SH3RF3: variants seen among roughly 807,000 people sequenced by gnomAD.
The protein encoded by SH3RF3 is E3 ubiquitin-protein ligase SH3RF3.
SH3RF3 carries 29 observed loss-of-function variants against 66.3 expected under a neutral mutation model. That is an observed-to-expected ratio of 0.44 (90% CI 0.33 to 0.60). The LOEUF is 0.60. SH3RF3 is among the 20% of genes least tolerant of loss of function. The pLI is 0.04. For missense variants in SH3RF3, 1,194 were observed against 1,190.9 expected (o/e 1.00, Z -0.04); for synonymous variants, 583 against 532.0 (o/e 1.10, Z -1.32).
At chr2:109,145,204 C>T (rs1010086214) in intron 1 of SH3RF3, among the ~76,000 whole-genome samples, 4 of 152,182 alleles carry the variant, frequency 2.6e-5, no homozygotes, top group Non-Finnish European at 5.9e-5. Flanking sequence ...GAGACAGAGC[C>T]GTGTCCTGGC....
intron 3 of SH3RF3, among the ~76,000 whole-genome samples, chr2:109,393,183 G>A (rs1676048487): frequency 6.6e-6 from 1 of 152,206 alleles, no homozygotes; most frequent in African/African-American, 2.4e-5. Context: ...CAGCCTTGGT[G>A]GCCTCTGCCG....
In SH3RF3 at chr2:109,345,315, C is replaced by T. The variant is rs527376609; in HGVS notation, c.574-2359C>T. On this transcript the variant is annotated intron_variant, in intron 1 of 9. Transcript: ENST00000309415. ...GAGGCCAGAAAGGAAACACAGTGTC[C>T]CCTTCTCGGGGGCATTGCAGGGAGA... Among the ~76,000 whole-genome samples, 9 of 152,038 alleles carry T rather than the reference C, an allele frequency of 5.9e-5. No homozygotes were observed. The South Asian group carries it at 1.9e-3, about 32-fold the overall frequency.
chr2:109,438,284 C>T (rs969819725), intron 7 of SH3RF3, among the ~76,000 whole-genome samples: 18 of 152,112 alleles, frequency 1.2e-4, no homozygotes, highest in African/African-American at 4.1e-4. Context: ...TGCCCAGCAT[C>T]GTCACTGGGT....
At chr2:109,208,093 C>T (rs1678883242) in intron 1 of SH3RF3, among the ~76,000 whole-genome samples, 1 of 150,032 alleles carries the variant, frequency 6.7e-6, no homozygotes, top group Admixed American at 6.7e-5. Context: ...GGGCACAGTG[C>T]TGGGCCCTCA....
At position 109,423,344 on chromosome 2, in the gene SH3RF3, AC is replaced by A. The variant is rs546732787; in HGVS notation, c.1403+3704del. Among the ~76,000 whole-genome samples, 560 of 152,204 alleles carry A rather than the reference AC, an allele frequency of 3.7e-3. 5 individuals carry two copies. The highest frequency in any genetic ancestry group is 6.1e-3 in the Admixed American group (93 of 15,286). Reference sequence around the variant, plus strand: ...CGTGCTCTCTGTCATGGCAGGGATGACCTCGCAGACCTTGCTGTGATCAGGA... The same window carrying A: ...CGTGCTCTCTGTCATGGCAGGGATGACTCGCAGACCTTGCTGTGATCAGGA... On this transcript the variant is annotated intron_variant, in intron 5 of 9. Coordinates refer to ENST00000309415, the MANE Select transcript of SH3RF3 (RefSeq NM_001099289.3).
intron 1 of SH3RF3, among the ~76,000 whole-genome samples, chr2:109,222,681 C>T (rs1448584555): frequency 6.6e-6 from 1 of 152,226 alleles, no homozygotes. Flanking sequence ...CAGGCCTTCC[C>T]TGTACCTCCT....
At chr2:109,441,231 C>T (rs1160065664) in intron 7 of SH3RF3, among the ~76,000 whole-genome samples, 1 of 151,022 alleles carries the variant, frequency 6.6e-6, no homozygotes, top group Non-Finnish European at 1.5e-5. Context: ...GAAAATATGA[C>T]TTATAATGAA....
intron 7 of SH3RF3, among the ~76,000 whole-genome samples, chr2:109,442,322 A>G (rs945793082): frequency 1.3e-5 from 2 of 151,952 alleles, no homozygotes; most frequent in African/African-American, 4.8e-5. Context: ...AAAAAAAAAA[A>G]AAAAGAAAAA....
intron 1 of SH3RF3, among the ~76,000 whole-genome samples, chr2:109,181,588 T>C (rs1253204615): frequency 6.6e-6 from 1 of 152,186 alleles, no homozygotes; most frequent in African/African-American, 2.4e-5. Context: ...TCCTCTTTAT[T>C]AAAAGTTATG....
intron 1 of SH3RF3, among the ~76,000 whole-genome samples, chr2:109,197,993 C>T (rs1162278481): frequency 1.3e-5 from 2 of 152,178 alleles, no homozygotes; most frequent in Non-Finnish European, 2.9e-5. Flanking sequence ...AGGTTTTTCA[C>T]AGAGTTGACC....
rs368603268 is a variant in SH3RF3 at position 109,262,692 on chromosome 2, A to T, written c.574-84982A>T. 6.6e-5 allele frequency among the ~76,000 whole-genome samples: 10 copies of T among 152,364 alleles called. No individual in the cohort carries two copies. In the East Asian group the frequency reaches 1.9e-3, roughly 29 times the overall value. On this transcript the variant is annotated intron_variant, in intron 1 of 9. Transcript: ENST00000309415. ...TTTGTGTTGGTGCATTCAAGTTATT[A>T]TCAGGAGATAATTCTTTATCCGCAA...
intron 2 of SH3RF3, among the ~76,000 whole-genome samples, chr2:109,367,391 C>G (rs1347665016): frequency 6.6e-6 from 1 of 152,174 alleles, no homozygotes; most frequent in African/African-American, 2.4e-5. Flanking sequence ...AAGCAATTCT[C>G]CTGCCTCAGC....
intron 3 of SH3RF3, among the ~76,000 whole-genome samples, chr2:109,395,152 A>G (rs930728625): frequency 6.6e-6 from 1 of 152,240 alleles, no homozygotes; most frequent in East Asian, 1.9e-4. Context: ...GGGACTCCGC[A>G]GGCAGGCCAG....
chr2:109,193,856 G>A (rs1321428909), intron 1 of SH3RF3, among the ~76,000 whole-genome samples: 2 of 152,174 alleles, frequency 1.3e-5, no homozygotes, highest in Non-Finnish European at 2.9e-5. Flanking sequence ...CTAGCCCCGG[G>A]GATGGGTTTT....
chr2:109,487,165 C>T (rs1443340583), intron 8 of SH3RF3, among the ~76,000 whole-genome samples: 1 of 152,202 alleles, frequency 6.6e-6, no homozygotes. Flanking sequence ...AGGAGAAACC[C>T]AGCAAATCCA....
intron 1 of SH3RF3, among the ~76,000 whole-genome samples, chr2:109,318,404 C>T (rs907873212): frequency 1.3e-5 from 2 of 152,080 alleles, no homozygotes; most frequent in African/African-American, 2.4e-5. Flanking sequence ...TGCCGCCGAG[C>T]GCCAGAAGAT....
At chr2:109,195,856 G>A (rs1424333433) in intron 1 of SH3RF3, among the ~76,000 whole-genome samples, 1 of 152,154 alleles carries the variant, frequency 6.6e-6, no homozygotes, top group African/African-American at 2.4e-5. Context: ...ATGGAGTCTG[G>A]CTATGCGTTT....
intron 2 of SH3RF3, among the ~76,000 whole-genome samples, chr2:109,359,235 A>G (rs764595532): frequency 6.6e-6 from 1 of 152,086 alleles, no homozygotes; most frequent in Non-Finnish European, 1.5e-5. Flanking sequence ...TTCTCCTTCA[A>G]TATTTGTTGG....
At chr2:109,235,072 G>T (rs566396236) in intron 1 of SH3RF3, among the ~76,000 whole-genome samples, 12 of 152,278 alleles carry the variant, frequency 7.9e-5, no homozygotes, top group Non-Finnish European at 1.5e-5. Context: ...TTATGGTGAG[G>T]CAGAGCTTTA....
Sources: allele counts gnomAD v4.1 joint callset (sites outside exome capture counted in the v4.1 genomes callset), GRCh38; gene constraint gnomAD v4.1.1; transcripts MANE v1.5; gene names NCBI Gene and HGNC (gene_info 2026-07-23, HGNC 2026-07-21).